The following C10orf90 variants were observed in gnomAD, a reference collection of about 807,000 sequenced individuals.
C10orf90 encodes chromosome 10 open reading frame 90, also known as (E2-independent) E3 ubiquitin-conjugating enzyme FATS.
A neutral mutation model predicts 62.5 loss-of-function variants in C10orf90; 56 were observed. The observed-to-expected ratio is 0.90, with a 90% CI of 0.72 to 1.12. The LOEUF (loss-of-function observed/expected upper bound fraction) is 1.12, where lower values mean the gene tolerates loss of function less well. Among genes scored for constraint, C10orf90 ranks in the 50% most tolerant of loss-of-function variants. The pLI is 0.00. For missense variants in C10orf90, 970 were observed against 880.4 expected (o/e 1.10, Z -1.29); for synonymous variants, 386 against 340.4 (o/e 1.13, Z -1.47).
At chr10:126,609,504 G>A (rs1295999558) in intron 2 of C10orf90, among the ~76,000 whole-genome samples, 1 of 152,244 alleles carries the variant, frequency 6.6e-6, no homozygotes, top group Non-Finnish European at 1.5e-5. Flanking sequence ...CCTGTTTGTT[G>A]AGTATCTAAT....
chr10:126,549,957 CTTTTT>C (rs1168153149), intron 2 of C10orf90, among the ~76,000 whole-genome samples: 1 of 117,420 alleles, frequency 8.5e-6, no homozygotes, highest in Non-Finnish European at 1.8e-5. Context: ...GTAAAGCTTT[CTTTTT>C]TTTTTTTTTT....
At chr10:126,653,846 C>A (rs1178353683) in intron 1 of C10orf90, among the ~76,000 whole-genome samples, 1 of 152,214 alleles carries the variant, frequency 6.6e-6, no homozygotes, top group Non-Finnish European at 1.5e-5. Context: ...AATTCTCGAT[C>A]TATGGGCTGC....
chr10:126,461,503 T>C lies in C10orf90; in HGVS notation c.1908A>G (p.Pro636=). The C allele has an allele frequency of 6.2e-7, 1 of 1,614,004 alleles. No homozygotes were observed. Among genetic ancestry groups the C allele is most frequent in the Non-Finnish European group, 8.5e-7 (1 of 1,179,968 alleles). ...SEDPTTPEPS[P]AAPSPAPRDG... ...CGCGGGGTGCTGGCGAGGGTGCTGC[T>C]GGGGAGGGCTCAGGTGTGGTGGGGT... Residue 636 remains proline, a synonymous_variant, in exon 6 of 10, where the codon CCA becomes CCG. Coordinates refer to ENST00000488181, the MANE Select transcript of C10orf90 (RefSeq NM_001350921.2).
intron 2 of C10orf90, among the ~76,000 whole-genome samples, chr10:126,546,911 C>T (rs1045891857): frequency 9.2e-5 from 14 of 152,102 alleles, no homozygotes; most frequent in African/African-American, 2.2e-4. Flanking sequence ...GATCACTTAA[C>T]GTCAGGAGTT....
At chr10:126,596,432 T>G (rs1845088489) in intron 2 of C10orf90, among the ~76,000 whole-genome samples, 1 of 152,108 alleles carries the variant, frequency 6.6e-6, no homozygotes, top group Admixed American at 6.5e-5. Context: ...AAGCAAATAT[T>G]TGCATTAAAT....
chr10:126,527,619 C>A (rs1863985093), intron 2 of C10orf90, among the ~76,000 whole-genome samples: 1 of 152,206 alleles, frequency 6.6e-6, no homozygotes, highest in South Asian at 2.1e-4. Flanking sequence ...TTGCATCTAG[C>A]TTGGTCACTT....
Position 126,504,125 on chromosome 10 carries a change from C to G in C10orf90, c.1366G>C (p.Ala456Pro), listed in dbSNP as rs1386226244. Residue 456 changes from alanine to proline, a missense_variant, in exon 4 of 10, where the codon GCT (alanine) becomes CCT (proline). Transcript: ENST00000488181. The surrounding 1 kb of genome is among the most constrained non-coding windows in gnomAD (Gnocchi z 4.1). Reference sequence around the variant, plus strand: ...GGAAAAGAACCACTCCAAGGACAAGCGCCGGTCCCCAAATGCACCCGCCTC... The same window carrying G: ...GGAAAAGAACCACTCCAAGGACAAGGGCCGGTCCCCAAATGCACCCGCCTC... Reference protein sequence around the residue: ...SLRRVHLGTGACPWSGSFPLE... With the variant: ...SLRRVHLGTGPCPWSGSFPLE... The G allele has an allele frequency of 6.2e-7, 1 of 1,614,102 alleles. No homozygotes were observed. Among genetic ancestry groups the G allele is most frequent in the East Asian group, 2.2e-5 (1 of 44,866 alleles).
chr10:126,464,607 A>C, intron 5 of C10orf90, 89 bp downstream of exon 5: 1 of 1,336,842 alleles, frequency 7.5e-7, no homozygotes, highest in South Asian at 1.4e-5. Flanking sequence ...GTGAACGGTG[A>C]CAGTATGCAC....
intron 4 of C10orf90, among the ~76,000 whole-genome samples, chr10:126,493,600 C>T (rs1861879274): frequency 6.6e-6 from 1 of 150,954 alleles, no homozygotes; most frequent in African/African-American, 2.4e-5. Context: ...CAGGTGATCG[C>T]CCACCTCGGC....
intron 2 of C10orf90, among the ~76,000 whole-genome samples, chr10:126,555,838 C>T (rs1276045790): frequency 6.6e-6 from 1 of 152,098 alleles, no homozygotes; most frequent in African/African-American, 2.4e-5. Flanking sequence ...TCCCTCTCTC[C>T]ACATGAATGG....
At chr10:126,443,184 G>A (rs1858509937) in intron 7 of C10orf90, among the ~76,000 whole-genome samples, 1 of 151,986 alleles carries the variant, frequency 6.6e-6, no homozygotes, top group South Asian at 2.1e-4. Flanking sequence ...AAATGAGATT[G>A]AAACACACAC....
intron 3 of C10orf90, among the ~76,000 whole-genome samples, chr10:126,512,372 CTGTGTGTGTG>C (rs779390627): frequency 1.5e-5 from 1 of 64,916 alleles, no homozygotes; most frequent in African/African-American, 4.5e-5. Context: ...GTATGTGTGT[CTGTGTGTGTG>C]TGTCTGTGTG....
At chr10:126,653,949 C>T (rs755586128) in intron 1 of C10orf90, among the ~76,000 whole-genome samples, 5 of 152,082 alleles carry the variant, frequency 3.3e-5, no homozygotes, top group Non-Finnish European at 5.9e-5. Context: ...TGTCAATGAG[C>T]GGTAATATTT....
At chr10:126,610,053 G>A (rs893941738) in intron 2 of C10orf90, among the ~76,000 whole-genome samples, 2 of 152,104 alleles carry the variant, frequency 1.3e-5, no homozygotes, top group South Asian at 2.1e-4. Context: ...TGAGTGTCTG[G>A]GTTAGCTGTG....
intron 2 of C10orf90, among the ~76,000 whole-genome samples, chr10:126,625,200 C>A (rs1845719502): frequency 6.6e-6 from 1 of 152,146 alleles, no homozygotes; most frequent in Non-Finnish European, 1.5e-5. Context: ...CACGCTGGAC[C>A]CCCTTCAACA....
intron 1 of C10orf90, among the ~76,000 whole-genome samples, chr10:126,655,976 A>AT (rs982147270): frequency 2.0e-5 from 3 of 151,918 alleles, no homozygotes; most frequent in Non-Finnish European, 2.9e-5. Flanking sequence ...GCTTTCTGTG[A>AT]TTTTTTTCAG....
chr10:126,474,977 C>A (rs1860780214), intron 4 of C10orf90, among the ~76,000 whole-genome samples: 1 of 152,204 alleles, frequency 6.6e-6, no homozygotes, highest in Non-Finnish European at 1.5e-5. Flanking sequence ...ATGGCCCTTC[C>A]ATAGAAGGAA....
chr10:126,443,464 A>G (rs1357064337), intron 7 of C10orf90, among the ~76,000 whole-genome samples: 2 of 152,172 alleles, frequency 1.3e-5, no homozygotes, highest in Non-Finnish European at 2.9e-5. Flanking sequence ...GGCTTAAATC[A>G]GGAAGAATTA....
In C10orf90 at chr10:126,617,583, A is replaced by G. The variant is rs561793875; in HGVS notation, c.313+28982T>C. Among the ~76,000 whole-genome samples the G allele has an allele frequency of 2.0e-5, 3 of 152,372 alleles. 1 individual carries two copies. The highest frequency in any genetic ancestry group is 2.0e-4 in the Admixed American group (3 of 15,306). On this transcript the variant is annotated intron_variant, in intron 2 of 9. Transcript: ENST00000488181. ...TCAGTCTTTGGGTGTGGACACACAC[A>G]GACACAAGGTGCCCCTCAATTCATT...
Sources: gnomAD v4.1 joint callset for allele counts (sites outside exome capture counted in the v4.1 genomes callset) on GRCh38, gnomAD v4.1.1 for gene constraint, Gnocchi (gnomAD v3.1) non-coding constraint, MANE v1.5 for transcripts, NCBI Gene and HGNC (gene_info 2026-07-23, HGNC 2026-07-21) for gene names.